The following OTOP1 variants were observed in gnomAD, a reference collection of about 807,000 sequenced individuals.
The protein encoded by OTOP1 is proton channel OTOP1.
OTOP1 carries 59 observed loss-of-function variants against 52.9 expected under a neutral mutation model. The observed-to-expected ratio is 1.12, with a 90% CI of 0.91 to 1.39. The LOEUF (loss-of-function observed/expected upper bound fraction) is 1.39, where lower values mean the gene tolerates loss of function less well. Among genes scored for constraint, OTOP1 ranks in the 40% most tolerant of loss-of-function variants. The pLI is 0.00. For missense variants in OTOP1, 761 were observed against 800.9 expected, an observed-to-expected ratio of 0.95 and a Z score of 0.60; for synonymous variants, 317 against 337.7, an observed-to-expected ratio of 0.94 and a Z score of 0.67.
At chr4:4,213,662 G>A (rs777966971) in intron 1 of OTOP1, among the ~76,000 whole-genome samples, 18 of 152,040 alleles carry the variant, frequency 1.2e-4, no homozygotes, top group Non-Finnish European at 2.1e-4. Flanking sequence ...TTTTTAAGCC[G>A]AATAATATTT....
chr4:4,203,359 A>C (rs559286417), intron 3 of OTOP1, among the ~76,000 whole-genome samples: 87 of 152,342 alleles, frequency 5.7e-4, no homozygotes, highest in African/African-American at 1.9e-3. Context: ...CTGCTCGGTA[A>C]TGACATTGTT....
At chr4:4,217,986 ACTTAAATT>A (rs1396592493) in intron 1 of OTOP1, among the ~76,000 whole-genome samples, 2 of 152,110 alleles carry the variant, frequency 1.3e-5, no homozygotes, top group African/African-American at 4.8e-5. Flanking sequence ...GAAGAAAAGA[ACTTAAATT>A]CAAATGGATA....
chr4:4,214,278 T>A (rs575665184), intron 1 of OTOP1, among the ~76,000 whole-genome samples: 2 of 151,022 alleles, frequency 1.3e-5, no homozygotes, highest in African/African-American at 4.9e-5. Context: ...ATGGCTACTA[T>A]CAAAAAAAAA....
At chr4:4,194,756 CTG>C (rs1228289205) in intron 5 of OTOP1, among the ~76,000 whole-genome samples, 3 of 152,220 alleles carry the variant, frequency 2.0e-5, no homozygotes, top group Admixed American at 6.5e-5. Flanking sequence ...GCAGGCACCT[CTG>C]TGGACTGGGG....
intron 1 of OTOP1, among the ~76,000 whole-genome samples, chr4:4,218,308 T>C (rs1338555480): frequency 2.7e-5 from 4 of 148,600 alleles, no homozygotes; most frequent in Non-Finnish European, 6.0e-5. Context: ...AGGAGAATGG[T>C]GTGAACCCGG....
chr4:4,219,057 G>C (rs1265627745), intron 1 of OTOP1, among the ~76,000 whole-genome samples: 2 of 152,072 alleles, frequency 1.3e-5, no homozygotes, highest in Non-Finnish European at 2.9e-5. Context: ...TGTGGAAAAG[G>C]AAAAGGAGGA....
At chr4:4,206,051 G>A (rs758490596) in intron 3 of OTOP1, 21 bp downstream of exon 3, 16 of 1,579,298 alleles carry the variant, frequency 1.0e-5, no homozygotes, top group Admixed American at 3.4e-5. Context: ...AACATATAAA[G>A]CAATTACCCA....
chr4:4,218,533 C>A lies in OTOP1; in HGVS notation c.404-5529G>T, dbSNP rs114793112. On this transcript the variant is annotated intron_variant, in intron 1 of 5. Transcript: ENST00000296358. ...GGCAAACGTACCCTAAAGGTCTCAT[C>A]CCATTAGGTAGAGAGGAAGTGGAAG... 9.1e-3 allele frequency among the ~76,000 whole-genome samples: 1,386 copies of A among 152,158 alleles called. 31 individuals are homozygous for A. Among genetic ancestry groups the A allele is most frequent in the African/African-American group, 0.031 (1,270 of 41,490 alleles).
intron 4 of OTOP1, among the ~76,000 whole-genome samples, chr4:4,201,281 G>A (rs1261136727): frequency 2.0e-5 from 3 of 151,966 alleles, no homozygotes; most frequent in Non-Finnish European, 4.4e-5. Context: ...ATAAAAATTA[G>A]CCAGGTGTGG....
At chr4:4,196,690 T>A (rs1716634888) in intron 5 of OTOP1, among the ~76,000 whole-genome samples, 1 of 152,290 alleles carries the variant, frequency 6.6e-6, no homozygotes, top group East Asian at 1.9e-4. Context: ...ATCATGCCAC[T>A]GCACTCCAGC....
chr4:4,219,047 T>G (rs1196412095), intron 1 of OTOP1, among the ~76,000 whole-genome samples: 1 of 150,386 alleles, frequency 6.6e-6, no homozygotes, highest in African/African-American at 2.5e-5. Flanking sequence ...AAGGCAAACA[T>G]GTGGAAAAGG....
chr4:4,222,693 G>C (rs1231212057), intron 1 of OTOP1, among the ~76,000 whole-genome samples: 2 of 152,180 alleles, frequency 1.3e-5, no homozygotes, highest in African/African-American at 2.4e-5. Flanking sequence ...GGGGATCACT[G>C]CTCTTTTTCC....
At chr4:4,195,516 C>T (rs1428653173) in intron 5 of OTOP1, among the ~76,000 whole-genome samples, 1 of 152,174 alleles carries the variant, frequency 6.6e-6, no homozygotes, top group African/African-American at 2.4e-5. Flanking sequence ...CTGTCTTGAA[C>T]CCAGATGTGA....
intron 1 of OTOP1, among the ~76,000 whole-genome samples, chr4:4,223,269 G>C (rs1345307169): frequency 1.3e-5 from 2 of 152,172 alleles, no homozygotes; most frequent in Non-Finnish European, 2.9e-5. Context: ...TCCCCACCCT[G>C]CTCTTCCCTT....
At chr4:4,201,471 T>TATATACACAC (rs1553852440) in intron 4 of OTOP1, among the ~76,000 whole-genome samples, 2 of 140,856 alleles carry the variant, frequency 1.4e-5, no homozygotes, top group South Asian at 2.3e-4. Context: ...TATATATATA[T>TATATACACAC]ACACACACAC....
chr4:4,218,179 G>A (rs1212084588), intron 1 of OTOP1, among the ~76,000 whole-genome samples: 1 of 152,076 alleles, frequency 6.6e-6, no homozygotes, highest in Non-Finnish European at 1.5e-5. Context: ...ATCACCTTAA[G>A]TCAGGAGTTC....
At chr4:4,191,664 C>CAATGG in intron 5 of OTOP1, among the ~76,000 whole-genome samples, 1 of 152,314 alleles carries the variant, frequency 6.6e-6, no homozygotes, top group Non-Finnish European at 1.5e-5. Flanking sequence ...TAAGCTGGTC[C>CAATGG]CTCTGATCTA....
Position 4,197,183 on chromosome 4 carries a change from A to T in OTOP1, c.1651T>A (p.Phe551Ile). 1 of 1,609,198 alleles carries T rather than the reference A, an allele frequency of 6.2e-7. No individual in the cohort carries two copies. The highest frequency in any genetic ancestry group is 8.5e-7 in the Non-Finnish European group (1 of 1,177,064). ...KVLRNIAAFL[F>I]LCNISLWIPP... ...CAGATTACCGAAATATTGCAGAGGA[A>T]CAAGAAGGCTGCAATATTCCTCAGG... Residue 551 changes from phenylalanine to isoleucine, a missense_variant, in exon 5 of 6, where the codon TTC becomes ATC. By Grantham distance (21) the Phe-to-Ile change is conservative. Coordinates refer to ENST00000296358, the MANE Select transcript of OTOP1 (RefSeq NM_177998.3).
chr4:4,202,066 T>C (rs1716800814), intron 4 of OTOP1, among the ~76,000 whole-genome samples: 1 of 152,154 alleles, frequency 6.6e-6, no homozygotes, highest in Non-Finnish European at 1.5e-5. Flanking sequence ...TTAAAAGCCA[T>C]ACTTTTACTA....
Sources: allele counts gnomAD v4.1 joint callset (sites outside exome capture counted in the v4.1 genomes callset), GRCh38; gene constraint gnomAD v4.1.1; transcripts MANE v1.5; gene names NCBI Gene and HGNC (gene_info 2026-07-23, HGNC 2026-07-21).